The following GULP1 variants were observed in gnomAD, a reference collection of about 807,000 sequenced individuals.
GULP1 encodes PTB domain-containing engulfment adapter protein 1.
A neutral mutation model predicts 40.9 loss-of-function variants in GULP1; 19 were observed. The observed-to-expected ratio is 0.46, with a 90% CI of 0.32 to 0.68. The LOEUF is 0.68. Ranked by LOEUF, GULP1 falls within the 30% of genes least tolerant of loss-of-function variation. The probability of loss-of-function intolerance (pLI) is 0.03; values close to 1 mark genes in which losing one functional copy is unlikely to be tolerated. For synonymous variants in GULP1, 119 were observed against 117.6 expected, an observed-to-expected ratio of 1.01 and a Z score of -0.08; for missense variants, 312 against 362.2, an observed-to-expected ratio of 0.86 and a Z score of 1.12.
chr2:188,405,828 T>G (rs2053010095), intron 2 of GULP1, among the ~76,000 whole-genome samples: 1 of 152,184 alleles, frequency 6.6e-6, no homozygotes, highest in Non-Finnish European at 1.5e-5. Flanking sequence ...CAAACAAAAC[T>G]AGTCTGCAAA....
At chr2:188,491,292 T>C (rs1559302447) in intron 4 of GULP1, 1 of 152,052 alleles carries the variant, frequency 6.6e-6, no homozygotes, top group African/African-American at 2.4e-5. Context: ...GTAAAAAACA[T>C]TTAATGTTTT....
chr2:188,299,367 T>C (rs1214684783), intron 1 of GULP1, among the ~76,000 whole-genome samples: 1 of 152,176 alleles, frequency 6.6e-6, no homozygotes, highest in Non-Finnish European at 1.5e-5. Flanking sequence ...ACAGGGAAGC[T>C]CAATATACTA....
chr2:188,488,679 T>C (rs898185801), intron 4 of GULP1, among the ~76,000 whole-genome samples: 10 of 152,052 alleles, frequency 6.6e-5, no homozygotes, highest in Admixed American at 3.3e-4. Flanking sequence ...GGAATGCTTT[T>C]TCCTGAAGCA....
chr2:188,347,558 T>C (rs1360784396), intron 1 of GULP1, among the ~76,000 whole-genome samples: 10 of 152,072 alleles, frequency 6.6e-5, no homozygotes, highest in Admixed American at 3.9e-4. Context: ...TATATAGTCA[T>C]GCTTTTAATT....
At chr2:188,568,802 A>G (rs1698387447) in intron 7 of GULP1, among the ~76,000 whole-genome samples, 1 of 152,188 alleles carries the variant, frequency 6.6e-6, no homozygotes, top group South Asian at 2.1e-4. Context: ...TTAGGGTTTA[A>G]CAAACCCTCC....
chr2:188,352,614 T>TCACACACACACACACA (rs1326667036), intron 1 of GULP1, among the ~76,000 whole-genome samples: 142 of 60,386 alleles, frequency 2.4e-3, no homozygotes, highest in African/African-American at 0.012. Context: ...TCTCTCTCTC[T>TCACACACACACACACA]CTCTCACACA....
At chr2:188,546,573 A>C (rs112793020) in intron 7 of GULP1, among the ~76,000 whole-genome samples, 1,611 of 152,184 alleles carry the variant, frequency 0.011, 20 homozygotes, top group Non-Finnish European at 0.018. Context: ...CAGTGCTAAG[A>C]AAGAAATCTG....
intron 2 of GULP1, among the ~76,000 whole-genome samples, chr2:188,458,443 A>G (rs2059441121): frequency 6.6e-6 from 1 of 151,762 alleles, no homozygotes; most frequent in Non-Finnish European, 1.5e-5. Context: ...TCCTTTCTTC[A>G]TTTCTTTCAA....
intron 1 of GULP1, among the ~76,000 whole-genome samples, chr2:188,320,146 G>A (rs1238690411): frequency 6.6e-6 from 1 of 152,106 alleles, no homozygotes; most frequent in Non-Finnish European, 1.5e-5. Flanking sequence ...TCCGCTGGGA[G>A]GAAGACCATC....
At chr2:188,574,359 C>T (rs1699744544) in intron 9 of GULP1, among the ~76,000 whole-genome samples, 1 of 152,146 alleles carries the variant, frequency 6.6e-6, no homozygotes, top group African/African-American at 2.4e-5. Flanking sequence ...CATGGTGGCT[C>T]ATGCCTATAG....
intron 1 of GULP1, among the ~76,000 whole-genome samples, chr2:188,304,329 A>G (rs1004462247): frequency 9.9e-5 from 15 of 152,152 alleles, no homozygotes; most frequent in Admixed American, 8.5e-4. Context: ...GATTTCTCTA[A>G]TCTATTTTCT....
intron 7 of GULP1, among the ~76,000 whole-genome samples, chr2:188,549,034 A>G (rs1418074457): frequency 1.3e-5 from 2 of 151,848 alleles, no homozygotes; most frequent in African/African-American, 4.8e-5. Flanking sequence ...AATCTTCAGG[A>G]TGTAGGGCTA....
At chr2:188,356,313 T>G (rs1447247372) in intron 1 of GULP1, among the ~76,000 whole-genome samples, 2 of 152,070 alleles carry the variant, frequency 1.3e-5, no homozygotes, top group South Asian at 2.1e-4. Context: ...AAAAAATTCT[T>G]AGAATTGATC....
intron 4 of GULP1, among the ~76,000 whole-genome samples, chr2:188,502,272 T>C (rs1466295497): frequency 6.6e-6 from 1 of 151,912 alleles, no homozygotes; most frequent in East Asian, 1.9e-4. Context: ...TGTCCTGATT[T>C]ACTCTATGGC....
At chr2:188,435,617 T>A in intron 2 of GULP1, among the ~76,000 whole-genome samples, 1 of 152,172 alleles carries the variant, frequency 6.6e-6, no homozygotes, top group East Asian at 1.9e-4. Flanking sequence ...CATACCTGTG[T>A]CCTTGGCGTA....
chr2:188,390,051 A>G (rs2050307136), intron 2 of GULP1, among the ~76,000 whole-genome samples: 1 of 151,758 alleles, frequency 6.6e-6, no homozygotes, highest in African/African-American at 2.4e-5. Context: ...TTGCTTCCAT[A>G]TCTTTGCCTT....
intron 2 of GULP1, among the ~76,000 whole-genome samples, chr2:188,396,610 T>G (rs1574985043): frequency 6.6e-6 from 1 of 152,198 alleles, no homozygotes; most frequent in East Asian, 1.9e-4. Flanking sequence ...ACAGCAACCA[T>G]GGCTTTCAGG....
chr2:188,463,502 G>A (rs1422634467), intron 2 of GULP1, among the ~76,000 whole-genome samples: 2 of 151,994 alleles, frequency 1.3e-5, no homozygotes, highest in Non-Finnish European at 2.9e-5. Flanking sequence ...CTTTGGATTA[G>A]ATCTCCTTGG....
In GULP1 at chr2:188,480,088, T is replaced by C. The variant is rs533788178; in HGVS notation, c.28+2358T>C. On this transcript the variant is annotated intron_variant, in intron 3 of 11. Coordinates refer to ENST00000409830, the MANE Select transcript of GULP1 (RefSeq NM_016315.4). ...ATCCTGACTCTATCATTTGGTGAAG[T>C]TGTTAAAGAAAAAATTTTAAGAGCC... Among the ~76,000 whole-genome samples, 7 of 152,236 alleles carry C rather than the reference T, an allele frequency of 4.6e-5. No individual in the cohort carries two copies. In the South Asian group the frequency reaches 8.3e-4, roughly 18 times the overall value.
Sources: gnomAD v4.1 joint callset for allele counts (sites outside exome capture counted in the v4.1 genomes callset) on GRCh38, gnomAD v4.1.1 for gene constraint, MANE v1.5 for transcripts, NCBI Gene and HGNC (gene_info 2026-07-23, HGNC 2026-07-21) for gene names.